IGSF11: variants seen among roughly 807,000 people sequenced by gnomAD.
IGSF11 encodes the protein immunoglobulin superfamily member 11.
IGSF11 carries 22 observed loss-of-function variants against 41.0 expected under a neutral mutation model. The ratio of observed to expected loss-of-function variants is 0.54; its 90% CI spans 0.38 to 0.77. IGSF11 has a LOEUF of 0.77. IGSF11 is among the 30% of genes least tolerant of loss of function. The pLI is 0.00. For missense variants in IGSF11, 444 were observed against 530.8 expected (o/e 0.84, Z 1.61); for synonymous variants, 219 against 201.3 (o/e 1.09, Z -0.74).
At chr3:119,015,773 T>C (rs1468242736) in intron 1 of IGSF11, among the ~76,000 whole-genome samples, 1 of 151,736 alleles carries the variant, frequency 6.6e-6, no homozygotes, top group Non-Finnish European at 1.5e-5. Flanking sequence ...TGTTTTATAA[T>C]GTTAAGAGCT....
intron 1 of IGSF11, among the ~76,000 whole-genome samples, chr3:119,133,894 CT>C (rs528328024): frequency 3.2e-4 from 49 of 152,288 alleles, no homozygotes; most frequent in Admixed American, 2.7e-3. Context: ...GGCTTCACCC[CT>C]GGGATGCAAG....
intron 1 of IGSF11, among the ~76,000 whole-genome samples, chr3:119,092,077 T>C (rs2076772126): frequency 6.6e-6 from 1 of 151,190 alleles, no homozygotes; most frequent in South Asian, 2.1e-4. Context: ...AGTGGTGCAA[T>C]CTCGGCTCAC....
intron 1 of IGSF11, among the ~76,000 whole-genome samples, chr3:119,059,392 G>A (rs1941980800): frequency 6.6e-6 from 1 of 152,080 alleles, no homozygotes; most frequent in Non-Finnish European, 1.5e-5. Flanking sequence ...AATGATAAAT[G>A]GACTCTGGGG....
intron 1 of IGSF11, among the ~76,000 whole-genome samples, chr3:119,073,363 G>A (rs1205946491): frequency 2.0e-5 from 3 of 152,236 alleles, no homozygotes; most frequent in African/African-American, 4.8e-5. Context: ...CAGGGCCACA[G>A]GCAGAGCTGC....
chr3:119,111,996 C>T (rs1288652362), intron 1 of IGSF11, among the ~76,000 whole-genome samples: 2 of 152,168 alleles, frequency 1.3e-5, no homozygotes, highest in East Asian at 1.9e-4. Context: ...TGTCAGTCTG[C>T]CCCCACTGGG....
chr3:119,100,865 T>C (rs768664608), intron 1 of IGSF11, among the ~76,000 whole-genome samples: 16 of 152,170 alleles, frequency 1.1e-4, no homozygotes, highest in Non-Finnish European at 2.4e-4. Context: ...CACAAATATG[T>C]AAATCGAAAG....
chr3:118,928,267 T>C lies in IGSF11; in HGVS notation c.424+242A>G, dbSNP rs555657429. ...CCACTTCTGATGGTATTTGATACCA[T>C]CTTTCTTCACCTTCAGAAGAAAGTC... On this transcript the variant is annotated intron_variant, in intron 3 of 6. Coordinates refer to ENST00000393775, the MANE Select transcript of IGSF11 (RefSeq NM_001015887.3). 4.6e-5 allele frequency among the ~76,000 whole-genome samples: 7 copies of C among 152,320 alleles called. No individual in the cohort carries two copies. In the South Asian group the frequency reaches 1.5e-3, roughly 32 times the overall value.
upstream of IGSF11, among the ~76,000 whole-genome samples, chr3:119,036,233 T>C (rs1940894813): frequency 6.6e-6 from 1 of 152,248 alleles, no homozygotes; most frequent in Non-Finnish European, 1.5e-5. Flanking sequence ...CTACCAGATC[T>C]CTAATGGCAA....
chr3:119,055,156 T>A (rs1941777761), intron 1 of IGSF11, among the ~76,000 whole-genome samples: 1 of 151,978 alleles, frequency 6.6e-6, no homozygotes, highest in Non-Finnish European at 1.5e-5. Flanking sequence ...AGAAAGGACA[T>A]CCACACCAAA....
At chr3:119,070,752 G>T (rs2076387075) in intron 1 of IGSF11, among the ~76,000 whole-genome samples, 1 of 152,140 alleles carries the variant, frequency 6.6e-6, no homozygotes, top group Admixed American at 6.5e-5. Context: ...TGGGGACAAT[G>T]ATCAGGATGC....
chr3:118,934,045 A>G (rs931772538), intron 1 of IGSF11, among the ~76,000 whole-genome samples: 1 of 152,102 alleles, frequency 6.6e-6, no homozygotes, highest in Non-Finnish European at 1.5e-5. Context: ...TCAAGTATTT[A>G]AACTGAAAAC....
chr3:119,086,234 T>G (rs767410314), intron 1 of IGSF11, among the ~76,000 whole-genome samples: 1 of 152,164 alleles, frequency 6.6e-6, no homozygotes, highest in Non-Finnish European at 1.5e-5. Context: ...AAACAAGGGA[T>G]TATGTAAAGA....
chr3:119,067,490 G>T (rs1341729129), intron 1 of IGSF11, among the ~76,000 whole-genome samples: 3 of 152,178 alleles, frequency 2.0e-5, no homozygotes, highest in Non-Finnish European at 4.4e-5. Flanking sequence ...TTTAAGGAAG[G>T]TCCCCTCCCT....
At chr3:119,017,039 C>CCAAAAAAA (rs1553713302) in intron 1 of IGSF11, among the ~76,000 whole-genome samples, 4 of 88,336 alleles carry the variant, frequency 4.5e-5, no homozygotes. Flanking sequence ...GGACGCAGGA[C>CCAAAAAAA]AAAAAAAAAA....
chr3:119,106,237 T>C (rs567334253), upstream of IGSF11, among the ~76,000 whole-genome samples: 16 of 152,296 alleles, frequency 1.1e-4, no homozygotes, highest in South Asian at 3.3e-3. Flanking sequence ...TAGTTGTTTT[T>C]AAGGATGCAA....
At chr3:119,079,127 G>A (rs2076548832) in intron 1 of IGSF11, among the ~76,000 whole-genome samples, 1 of 152,164 alleles carries the variant, frequency 6.6e-6, no homozygotes, top group South Asian at 2.1e-4. Context: ...GGAAGCCGAA[G>A]TGGGCAGATC....
intron 4 of IGSF11, among the ~76,000 whole-genome samples, chr3:118,923,430 C>T (rs893643441): frequency 2.0e-5 from 3 of 152,174 alleles, no homozygotes; most frequent in Non-Finnish European, 4.4e-5. Flanking sequence ...TGACAGTACA[C>T]GTATCAAAGT....
intron 1 of IGSF11, among the ~76,000 whole-genome samples, chr3:119,092,422 G>A (rs2076778811): frequency 6.6e-6 from 1 of 152,006 alleles, no homozygotes. Flanking sequence ...TGCAACCTCA[G>A]CCTCCCAGGT....
At chr3:119,023,176 T>C (rs545651858) in intron 1 of IGSF11, among the ~76,000 whole-genome samples, 4 of 142,294 alleles carry the variant, frequency 2.8e-5, no homozygotes, top group South Asian at 4.3e-4. Context: ...GCAAGGAGAA[T>C]TGCTTGAATC....
Sources: allele counts gnomAD v4.1 joint callset (sites outside exome capture counted in the v4.1 genomes callset), GRCh38; gene constraint gnomAD v4.1.1; transcripts MANE v1.5; gene names NCBI Gene and HGNC (gene_info 2026-07-23, HGNC 2026-07-21).